TBC1D10B: variants seen among roughly 807,000 people sequenced by gnomAD.
TBC1D10B encodes the protein TBC1 domain family member 10B, also known as Rab27A-GAPbeta.
A neutral mutation model predicts 78.4 loss-of-function variants in TBC1D10B; 25 were observed. The ratio of observed to expected loss-of-function variants is 0.32; its 90% CI spans 0.23 to 0.45. TBC1D10B has a LOEUF of 0.45. Among genes scored for constraint, TBC1D10B ranks in the 20% least tolerant of loss-of-function variants. The probability of loss-of-function intolerance (pLI) is 1.00; values close to 1 mark genes in which losing one functional copy is unlikely to be tolerated. For missense variants in TBC1D10B, 996 were observed against 1,104.8 expected (o/e 0.90, Z 1.40); for synonymous variants, 517 against 478.0 (o/e 1.08, Z -1.06).
In TBC1D10B at chr16:30,369,717, G is replaced by C; in HGVS notation, c.467C>G (p.Thr156Ser). The C allele has an allele frequency of 6.7e-7, 1 of 1,488,238 alleles. No homozygotes were observed. The allele number at this position is 1,488,238 out of a possible 1,614,324, so 92.2% of individuals were successfully genotyped here. A position where few individuals can be genotyped will look rare whatever the true frequency, so the allele number is the denominator to read the frequency against. The stretch of plus-strand genomic sequence containing the variant: ...GGCACCAGGAGCCGTTCTGGAAGGG[G>C]TCCTGGTAGGGGTCCCGGTGGGGGT... ...PGTPTGTPTR[T>S]PSRTAPGALT... Residue 156 changes from threonine to serine, a missense_variant, in exon 1 of 9, where the codon ACC becomes AGC. Physicochemically the swap from Thr to Ser is moderately conservative, Grantham distance 58. Transcript: ENST00000409939. This position sits in a 1 kb window ranked among gnomAD's most constrained non-coding sequence, Gnocchi z 4.3.
rs2049677084 is a variant in TBC1D10B, at chr16:30,370,165, G to T, written c.19C>A (p.Pro7Thr). The T allele has an allele frequency of 8.5e-7, 1 of 1,181,886 alleles. No homozygotes were observed. The highest frequency in any genetic ancestry group is 1.0e-6 in the Non-Finnish European group (1 of 955,838). 73.2% of individuals were successfully genotyped at this position (1,181,886 alleles called of 1,614,324 possible). METGTA[P>T]LVAPPRRHGA... Reference sequence around the variant, plus strand: ...TGACGGCGCGGCGGGGCCACCAGGGGCGCCGTGCCCGTCTCCATGGCCGCG... The same window carrying T: ...TGACGGCGCGGCGGGGCCACCAGGGTCGCCGTGCCCGTCTCCATGGCCGCG... The change falls in exon 1 of 9, where the codon CCC (proline) becomes ACC (threonine). Residue 7 changes from proline to threonine, a missense_variant. Pro to Thr is a conservative substitution (Grantham distance 38, BLOSUM62 -1). Transcript: ENST00000409939.
chr16:30,358,491 T>TC lies in TBC1D10B; in HGVS notation c.1879dup (p.Glu627GlyfsTer73), dbSNP rs771710139. The TC allele has an allele frequency of 1.3e-6, 2 of 1,596,496 alleles. No homozygotes were observed. ...TCGCCGTGAGGGCCGATACTGCAGC[T>TC]CCCCCCGCGTTTCCCGCCACTTCTT... On this transcript the variant is annotated frameshift_variant, in exon 9 of 9. Coordinates refer to ENST00000409939, the MANE Select transcript of TBC1D10B (RefSeq NM_015527.4). LOFTEE classifies it high-confidence loss of function.
At position 30,369,945 on chromosome 16, in the gene TBC1D10B, G is replaced by T. The variant is rs750826116; in HGVS notation, c.239C>A (p.Pro80Gln). Residue 80 changes from proline (P) to glutamine (Q), a missense_variant, in exon 1 of 9, where the codon CCA (proline) becomes CAA (glutamine). Pro to Gln is a moderately conservative substitution (Grantham distance 76). Coordinates refer to ENST00000409939, the MANE Select transcript of TBC1D10B (RefSeq NM_015527.4). The surrounding 1 kb of genome is among the most constrained non-coding windows in gnomAD (Gnocchi z 4.3). ...SAPAPAPAPA[P>Q]APAVTGSTVV... The stretch of plus-strand genomic sequence containing the variant: ...CGTGCTGCCCGTGACAGCCGGGGCT[G>T]GGGCCGGGGCTGGGGCCGGGGCCGG... 101 of 1,217,288 alleles carry T rather than the reference G, an allele frequency of 8.3e-5. 2 individuals are homozygous for T. The highest frequency in any genetic ancestry group is 5.1e-4 in the Middle Eastern group (2 of 3,926). 75.4% of individuals were successfully genotyped at this position (1,217,288 alleles called of 1,614,324 possible).
intron 4 of TBC1D10B, among the ~76,000 whole-genome samples, chr16:30,362,140 C>G (rs1220403056): frequency 6.6e-6 from 1 of 152,034 alleles, no homozygotes; most frequent in Non-Finnish European, 1.5e-5. Context: ...TGGGCCACCA[C>G]GCCTGGCCTT....
chr16:30,369,703 C>A lies in TBC1D10B; in HGVS notation c.481G>T (p.Ala161Ser). Reference protein sequence around the residue: ...GTPTRTPSRTAPGALTAKPPL... With the variant: ...GTPTRTPSRTSPGALTAKPPL... ...GGTTTGGCGGTCAGGGCACCAGGAG[C>A]CGTTCTGGAAGGGGTCCTGGTAGGG... Residue 161 changes from alanine to serine, a missense_variant, in exon 1 of 9, where the codon GCT becomes TCT. Physicochemically the swap from Ala to Ser is moderately conservative, Grantham distance 99. Transcript: ENST00000409939. This position sits in a 1 kb window ranked among gnomAD's most constrained non-coding sequence, Gnocchi z 4.3. 6.6e-7 allele frequency: 1 copy of A among 1,512,298 alleles called. No individual in the cohort carries two copies. The highest frequency in any genetic ancestry group is 8.9e-7 in the Non-Finnish European group (1 of 1,128,432). The allele number at this position is 1,512,298 out of a possible 1,614,324, so 93.7% of individuals were successfully genotyped here. A position where few individuals can be genotyped will look rare whatever the true frequency, so the allele number is the denominator to read the frequency against.
Position 30,358,383 on chromosome 16 carries a change from G to C in TBC1D10B, c.1988C>G (p.Pro663Arg). Residue 663 changes from proline (P) to arginine (R), a missense_variant, in exon 9 of 9, where the codon CCT (proline) becomes CGT (arginine). Coordinates refer to ENST00000409939, the MANE Select transcript of TBC1D10B (RefSeq NM_015527.4). ...CCGGGAGCCTCGGCTCTTGAGGCCAGGGAGGCTGAGGAGGCTGGAGGAGGG... is the reference window on the plus strand; with the variant it reads ...CCGGGAGCCTCGGCTCTTGAGGCCACGGAGGCTGAGGAGGCTGGAGGAGGG... ...LGPSSSLLSL[P>R]GLKSRGSRAA... 6.4e-7 allele frequency: 1 copy of C among 1,565,484 alleles called. No homozygotes were observed. The highest frequency in any genetic ancestry group is 8.7e-7 in the Non-Finnish European group (1 of 1,155,644).
At position 30,369,692 on chromosome 16, in the gene TBC1D10B, G is replaced by C; in HGVS notation, c.492C>G (p.Ala164=). The C allele has an allele frequency of 1.3e-6, 2 of 1,524,296 alleles. No homozygotes were observed. The highest frequency in any genetic ancestry group is 1.8e-6 in the Non-Finnish European group (2 of 1,133,506). 94.4% of individuals were successfully genotyped at this position (1,524,296 alleles called of 1,614,324 possible). ...TRTPSRTAPG[A]LTAKPPLAPK... ...GGGCAAGCGGGGGTTTGGCGGTCAGGGCACCAGGAGCCGTTCTGGAAGGGG... is the reference window on the plus strand; with the variant it reads ...GGGCAAGCGGGGGTTTGGCGGTCAGCGCACCAGGAGCCGTTCTGGAAGGGG... The change falls in exon 1 of 9, where the codon GCC becomes GCG. Residue 164 remains alanine (A), a synonymous_variant. Coordinates refer to ENST00000409939, the MANE Select transcript of TBC1D10B (RefSeq NM_015527.4). The surrounding 1 kb of genome is among the most constrained non-coding windows in gnomAD (Gnocchi z 4.3).
chr16:30,361,912 T>C (rs111265045), intron 4 of TBC1D10B, among the ~76,000 whole-genome samples: 24,761 of 151,488 alleles, frequency 0.16, 2,696 homozygotes, highest in Non-Finnish European at 0.25. Context: ...AGTGGCGCGA[T>C]CTCGGCTCAC....
chr16:30,370,093 C>T lies in TBC1D10B; in HGVS notation c.91G>A (p.Gly31Arg), dbSNP rs573322726. The change falls in exon 1 of 9, where the codon GGG (glycine) becomes AGG (arginine). Residue 31 changes from glycine (G) to arginine (R), a missense_variant. Around this residue, in one of 5 missense-constraint regions of TBC1D10B, gnomAD observed 448 missense variants for 442.1 expected, o/e 1.01. Transcript: ENST00000409939. Reference sequence around the variant, plus strand: ...CCCGGAGCCACCACCACGACGGGCCCGGCCCGGGAACCCCGGGGCGGCGGC... The same window carrying T: ...CCCGGAGCCACCACCACGACGGGCCTGGCCCGGGAACCCCGGGGCGGCGGC... Reference protein sequence around the residue: ...PSPPPRGSRAGPVVVVAPGPP... With the variant: ...PSPPPRGSRARPVVVVAPGPP... The T allele has an allele frequency of 3.3e-6, 4 of 1,224,554 alleles. No homozygotes were observed. Among genetic ancestry groups the T allele is most frequent in the African/African-American group, 1.6e-5 (1 of 64,072 alleles). 75.9% of individuals were successfully genotyped at this position (1,224,554 alleles called of 1,614,324 possible). A position where few individuals can be genotyped will look rare whatever the true frequency, so the allele number is the denominator to read the frequency against.
chr16:30,369,377 G>A lies in TBC1D10B; in HGVS notation c.807C>T (p.Tyr269=). ...CAGACATGAGGCTCACGGAGTCCAA[G>A]TAACTCAGCGTGTCCGGGGCCTGCC... The part of the protein sequence containing the change: ...PRGQAPDTLS[Y]LDSVSLMSGT... Residue 269 remains tyrosine (Y), a synonymous_variant, in exon 1 of 9, where the codon TAC becomes TAT. Coordinates refer to ENST00000409939, the MANE Select transcript of TBC1D10B (RefSeq NM_015527.4). This position sits in a 1 kb window ranked among gnomAD's most constrained non-coding sequence, Gnocchi z 4.3. 3.1e-6 allele frequency: 5 copies of A among 1,593,626 alleles called. No homozygotes were observed. The highest frequency in any genetic ancestry group is 2.3e-5 in the South Asian group (2 of 87,992).
intron 4 of TBC1D10B, chr16:30,360,325 AG>A (rs2049591093): frequency 6.1e-6 from 1 of 164,572 alleles, no homozygotes; most frequent in Admixed American, 5.8e-5. Context: ...TCTGTACCCT[AG>A]ATCTGCTCTT....
At chr16:30,367,156 T>C (rs914450022) in intron 1 of TBC1D10B, 1 of 152,452 alleles carries the variant, frequency 6.6e-6, no homozygotes, top group Non-Finnish European at 1.5e-5. Context: ...ATCGCACCAT[T>C]GCACTCCAGC....
chr16:30,360,060 A>G, intron 4 of TBC1D10B: 1 of 543,724 alleles, frequency 1.8e-6, no homozygotes, highest in Non-Finnish European at 3.3e-6. Context: ...TGGCCATCCC[A>G]GCACAGGCTG....
rs766006114 is a variant in TBC1D10B, at chr16:30,359,177, C to G, written c.1637G>C (p.Cys546Ser). 6.8e-6 allele frequency: 11 copies of G among 1,610,364 alleles called. No individual in the cohort carries two copies. The South Asian group carries it at 1.1e-4, about 16-fold the overall frequency. The stretch of plus-strand genomic sequence containing the variant: ...CTGGAGGGCCACAGAAGTACCTTCA[C>G]AGAAAAACATGTCCCAGACACGCAG... ...SVLRVWDMFFCEGVKIIFRVA... is the reference protein window; with the variant it reads ...SVLRVWDMFFSEGVKIIFRVA... Residue 546 changes from cysteine (C) to serine (S), a missense_variant, in exon 7 of 9, where the codon TGT (cysteine) becomes TCT (serine). This residue lies in a region of TBC1D10B where 168 missense variants were observed against 238.7 expected (regional missense o/e 0.70). Transcript: ENST00000409939.
Position 30,369,141 on chromosome 16 carries a change from T to C in TBC1D10B, c.956+87A>G, listed in dbSNP as rs1395321317. On this transcript the variant is annotated intron_variant, in intron 1 of 8. Coordinates refer to ENST00000409939, the MANE Select transcript of TBC1D10B (RefSeq NM_015527.4). This position sits in a 1 kb window ranked among gnomAD's most constrained non-coding sequence, Gnocchi z 4.3. The stretch of plus-strand genomic sequence containing the variant: ...CTCAGAGGAGGCTGGGCTGCCAGAG[T>C]CTGGGCAAAGTGTATCGTTTTCGTT... The C allele has an allele frequency of 2.9e-6, 4 of 1,365,492 alleles. No individual in the cohort carries two copies. The highest frequency in any genetic ancestry group is 3.9e-6 in the Non-Finnish European group (4 of 1,020,936). The allele number at this position is 1,365,492 out of a possible 1,614,324, so 84.6% of individuals were successfully genotyped here.
rs962687776 is a variant in TBC1D10B, at chr16:30,369,961, C to A, written c.223G>T (p.Ala75Ser). Reference sequence around the variant, plus strand: ...GCCGGGGCTGGGGCCGGGGCTGGGGCCGGGGCCGGAGCAGAGGTCTCGGCC... The same window carrying A: ...GCCGGGGCTGGGGCCGGGGCTGGGGACGGGGCCGGAGCAGAGGTCTCGGCC... ...GSAETSAPAP[A>S]PAPAPAPAVT... Residue 75 changes from alanine (A) to serine (S), a missense_variant, in exon 1 of 9, where the codon GCC (alanine) becomes TCC (serine). This residue lies in a region of TBC1D10B where 448 missense variants were observed against 442.1 expected (regional missense o/e 1.01). Transcript: ENST00000409939. The surrounding 1 kb of genome is among the most constrained non-coding windows in gnomAD (Gnocchi z 4.3). 1 of 1,287,234 alleles carries A rather than the reference C, an allele frequency of 7.8e-7. No individual in the cohort carries two copies. The highest frequency in any genetic ancestry group is 9.8e-7 in the Non-Finnish European group (1 of 1,019,158). The allele number at this position is 1,287,234 out of a possible 1,614,324, so 79.7% of individuals were successfully genotyped here. A position where few individuals can be genotyped will look rare whatever the true frequency, so the allele number is the denominator to read the frequency against.
chr16:30,367,870 T>C (rs2049648885), intron 1 of TBC1D10B: 1 of 152,138 alleles, frequency 6.6e-6, no homozygotes, highest in Non-Finnish European at 1.5e-5. Context: ...GAAGCTGATC[T>C]TACAGGGACA....
intron 4 of TBC1D10B, among the ~76,000 whole-genome samples, chr16:30,361,437 T>C (rs955049046): frequency 6.6e-6 from 1 of 152,250 alleles, no homozygotes; most frequent in African/African-American, 2.4e-5. Flanking sequence ...CAAAACTGTT[T>C]TTGTTTGTTT....
intron 1 of TBC1D10B, chr16:30,366,724 C>G (rs962067413): frequency 1.3e-5 from 2 of 152,190 alleles, no homozygotes. Context: ...GGTGCCCCAT[C>G]ATTCTTCAAA....
Sources: gnomAD v4.1 joint callset for allele counts (sites outside exome capture counted in the v4.1 genomes callset) on GRCh38, gnomAD v4.1.1 for gene constraint, gnomAD v4.1.1 regional missense constraint, Gnocchi (gnomAD v3.1) non-coding constraint, MANE v1.5 for transcripts, NCBI Gene and HGNC (gene_info 2026-07-23, HGNC 2026-07-21) for gene names.